The following TNRC6B variants were observed in gnomAD, a reference collection of about 807,000 sequenced individuals.
The protein encoded by TNRC6B is trinucleotide repeat containing adaptor 6B, also known as trinucleotide repeat-containing gene 6B protein.
In TNRC6B, 52 loss-of-function variants were observed where a neutral mutation model predicts 203.6. The observed-to-expected ratio is 0.26, with a 90% CI of 0.20 to 0.32. The LOEUF is 0.32. Among genes scored for constraint, TNRC6B ranks in the 10% least tolerant of loss-of-function variants. The probability of loss-of-function intolerance (pLI) is 1.00; values close to 1 mark genes in which losing one functional copy is unlikely to be tolerated. For synonymous variants in TNRC6B, 838 were observed against 845.7 expected (o/e 0.99, Z 0.16); for missense variants, 1,923 against 2,286.2 (o/e 0.84, Z 3.24).
intron 15 of TNRC6B, among the ~76,000 whole-genome samples, chr22:40,305,297 T>A (rs1438634368): frequency 6.6e-6 from 1 of 152,192 alleles, no homozygotes; most frequent in African/African-American, 2.4e-5. Flanking sequence ...CCATAAATAT[T>A]CATTGAACTG....
In TNRC6B at chr22:40,281,173, T is replaced by A. The variant is rs1202130592; in HGVS notation, c.3466T>A (p.Ser1156Thr). The A allele has an allele frequency of 1.3e-6, 2 of 1,551,090 alleles. No homozygotes were observed. Among genetic ancestry groups the A allele is most frequent in the African/African-American group, 2.7e-5 (2 of 73,008 alleles). ...DGCLGDEAPCSPFSPSPSYKL... is the reference protein window; with the variant it reads ...DGCLGDEAPCTPFSPSPSYKL... ...GTGCCTTGGGGATGAGGCTCCCTGC[T>A]CTCCCTTCTCCCCTTCTCCCAGCTA... The change falls in exon 11 of 23, where the codon TCT becomes ACT. Residue 1156 changes from serine (S) to threonine (T), a missense_variant. Physicochemically the swap from Ser to Thr is moderately conservative, Grantham distance 58. Around this residue, in one of 8 missense-constraint regions of TNRC6B, gnomAD observed 599 missense variants for 656.5 expected, o/e 0.91. Coordinates refer to ENST00000454349, the MANE Select transcript of TNRC6B (RefSeq NM_001162501.2).
chr22:40,230,246 C>A (rs2069848942), intron 1 of TNRC6B, among the ~76,000 whole-genome samples: 1 of 138,738 alleles, frequency 7.2e-6, no homozygotes, highest in African/African-American at 2.7e-5. Context: ...TATGTCTTCT[C>A]TGGCAAAGTG....
rs1190447616 is a variant in TNRC6B, at chr22:40,264,880, A to T, written c.650A>T (p.Asp217Val). The T allele has an allele frequency of 6.2e-7, 1 of 1,613,860 alleles. No homozygotes were observed. Among genetic ancestry groups the T allele is most frequent in the African/African-American group, 1.3e-5 (1 of 74,920 alleles). The change falls in exon 5 of 23, where the codon GAT becomes GTT. Residue 217 changes from aspartate (D) to valine (V), a missense_variant. This residue lies in a region of TNRC6B where 614 missense variants were observed against 587.7 expected (regional missense o/e 1.04). Transcript: ENST00000454349. ...DTESSSENTT[D>V]NNSASNPGSE... ...GAATCTTCTTCCGAAAACACCACCG[A>T]TAACAACAGTGCCTCGAACCCTGGC...
chr22:40,311,394 G>A (rs921404268), intron 17 of TNRC6B, among the ~76,000 whole-genome samples: 8 of 152,142 alleles, frequency 5.3e-5, no homozygotes, highest in African/African-American at 1.9e-4. Context: ...GTTGGATATA[G>A]TAATCTATTC....
chr22:40,051,937 T>A (rs565491175), intron 1 of TNRC6B, among the ~76,000 whole-genome samples: 1 of 152,244 alleles, frequency 6.6e-6, no homozygotes, highest in Admixed American at 6.5e-5. Context: ...TTTTCGCTCA[T>A]AGACATCTCA....
chr22:40,234,066 G>A (rs963791526), intron 1 of TNRC6B, among the ~76,000 whole-genome samples: 2 of 152,156 alleles, frequency 1.3e-5, no homozygotes, highest in African/African-American at 4.8e-5. Context: ...CAGGAGTATT[G>A]CTTGAGTCCA....
In TNRC6B at chr22:40,315,244, G is replaced by A. The variant is rs141790659; in HGVS notation, c.4679-39G>A. ...GTGTATTTGTCAACAAAAGTGAACCGTCTAACCTTATTCCTTCCTTAATTT... is the reference window on the plus strand; with the variant it reads ...GTGTATTTGTCAACAAAAGTGAACCATCTAACCTTATTCCTTCCTTAATTT... On this transcript the variant is annotated intron_variant, in intron 19 of 22. Transcript: ENST00000454349. The A allele has an allele frequency of 8.2e-4, 1,287 of 1,563,082 alleles. 22 individuals are homozygous for A. The East Asian group carries it at 0.025, about 30-fold the overall frequency.
chr22:40,089,588 A>T (rs2068133120), intron 1 of TNRC6B, among the ~76,000 whole-genome samples: 1 of 152,106 alleles, frequency 6.6e-6, no homozygotes. Flanking sequence ...TTAAGCAGAA[A>T]GTATAGAGTT....
intron 3 of TNRC6B, among the ~76,000 whole-genome samples, chr22:40,256,847 T>G (rs573394828): frequency 6.6e-6 from 1 of 152,246 alleles, no homozygotes; most frequent in South Asian, 2.1e-4. Flanking sequence ...TGACGAGTGG[T>G]GTCAGAAGCT....
chr22:40,121,009 G>A (rs1035929968), intron 2 of TNRC6B, among the ~76,000 whole-genome samples: 1 of 152,164 alleles, frequency 6.6e-6, no homozygotes, highest in African/African-American at 2.4e-5. Flanking sequence ...ACACTCATCA[G>A]AGAAGTGACT....
intron 1 of TNRC6B, among the ~76,000 whole-genome samples, chr22:40,233,063 G>T (rs926159202): frequency 2.0e-5 from 3 of 152,002 alleles, no homozygotes; most frequent in African/African-American, 7.3e-5. Context: ...CAGGAGAATC[G>T]CTTGCACCCA....
intron 18 of TNRC6B, 58 bp downstream of exon 18, chr22:40,312,709 T>C: frequency 6.4e-7 from 1 of 1,564,640 alleles, no homozygotes; most frequent in Non-Finnish European, 8.7e-7. Context: ...TAGTTGTCAG[T>C]TTGTGACTTC....
intron 1 of TNRC6B, among the ~76,000 whole-genome samples, 199 bp downstream of exon 1, chr22:40,178,339 A>C (rs1031624592): frequency 2.6e-5 from 4 of 152,214 alleles, no homozygotes; most frequent in Non-Finnish European, 4.4e-5. Context: ...TAAAATATTT[A>C]GATTTTGAAG....
At chr22:40,236,238 A>G (rs549308876) in intron 1 of TNRC6B, among the ~76,000 whole-genome samples, 20 of 152,132 alleles carry the variant, frequency 1.3e-4, no homozygotes, top group Non-Finnish European at 2.9e-4. Context: ...AAGGGTCACT[A>G]GTGTCACCAT....
chr22:40,308,736 TG>T, intron 16 of TNRC6B, 87 bp downstream of exon 16: 2 of 1,456,152 alleles, frequency 1.4e-6, no homozygotes, highest in Non-Finnish European at 1.8e-6. Flanking sequence ...GTACAGAACT[TG>T]GTATTCATTT....
intron 10 of TNRC6B, among the ~76,000 whole-genome samples, chr22:40,280,907 G>A (rs563260074): frequency 1.3e-5 from 2 of 152,316 alleles, no homozygotes; most frequent in Admixed American, 6.5e-5. Flanking sequence ...TACTAACTTA[G>A]AGGAAAAGAA....
At chr22:40,296,590 C>A (rs1025964080) in intron 12 of TNRC6B, among the ~76,000 whole-genome samples, 1 of 151,506 alleles carries the variant, frequency 6.6e-6, no homozygotes, top group African/African-American at 2.4e-5. Context: ...CCTCGGCTTC[C>A]CAAAGTGCTG....
At chr22:40,086,948 T>C (rs1238041792) in intron 1 of TNRC6B, among the ~76,000 whole-genome samples, 1 of 150,822 alleles carries the variant, frequency 6.6e-6, no homozygotes, top group African/African-American at 2.5e-5. Flanking sequence ...GTTTGATGTA[T>C]TTCTTAAGTC....
chr22:40,100,043 G>A (rs1165291204), intron 1 of TNRC6B, among the ~76,000 whole-genome samples: 3 of 150,816 alleles, frequency 2.0e-5, no homozygotes, highest in Non-Finnish European at 3.0e-5. Context: ...GGGCCACTGC[G>A]CCTGGCCCCT....
Sources: gnomAD v4.1 joint callset for allele counts (sites outside exome capture counted in the v4.1 genomes callset) on GRCh38, gnomAD v4.1.1 for gene constraint, gnomAD v4.1.1 regional missense constraint, MANE v1.5 for transcripts, NCBI Gene and HGNC (gene_info 2026-07-23, HGNC 2026-07-21) for gene names.